The following ZMYM5 variants were observed in gnomAD, a reference collection of about 807,000 sequenced individuals.
The protein encoded by ZMYM5 is zinc finger MYM-type protein 5.
Under a neutral mutation model 61.8 loss-of-function variants are expected in ZMYM5, and 41 were observed. The observed-to-expected ratio is 0.66, with a 90% CI of 0.52 to 0.86. The LOEUF is 0.86. Among genes scored for constraint, ZMYM5 ranks in the 40% least tolerant of loss-of-function variants. The pLI is 0.00. For missense variants in ZMYM5, 706 were observed against 786.7 expected (o/e 0.90, Z 1.23); for synonymous variants, 257 against 276.4 (o/e 0.93, Z 0.70).
chr13:19,851,399 C>A lies in ZMYM5; in HGVS notation c.542G>T (p.Gly181Val). 6.2e-7 allele frequency: 1 copy of A among 1,614,132 alleles called. No homozygotes were observed. The highest frequency in any genetic ancestry group is 8.5e-7 in the Non-Finnish European group (1 of 1,180,028). ...PFNPGRMNVA[G>V]DLFQNGEFAT... ...AAATTCTCCATTCTGAAATAAGTCT[C>A]CTGCCACATTCATTCTACCAGGGTT... The change falls in exon 4 of 8, where the codon GGA (glycine) becomes GTA (valine). Residue 181 changes from glycine (G) to valine (V), a missense_variant. Physicochemically the swap from Gly to Val is moderately radical, Grantham distance 109. Transcript: ENST00000337963.
intron 6 of ZMYM5, among the ~76,000 whole-genome samples, chr13:19,835,918 T>C (rs942975752): frequency 6.6e-6 from 1 of 151,826 alleles, no homozygotes; most frequent in Admixed American, 6.6e-5. Context: ...CTGCCTCCCA[T>C]GTTCAAGCGA....
Position 19,837,818 on chromosome 13 carries a change from A to G in ZMYM5, c.876T>C (p.Asp292=). 1 of 1,586,880 alleles carries G rather than the reference A, an allele frequency of 6.3e-7. No individual in the cohort carries two copies. The highest frequency in any genetic ancestry group is 1.2e-5 in the South Asian group (1 of 84,612). ...TGACATTAGCCTTCTTTGTAGATGC[A>G]TCTCTGAAACAGAAGGGATAGACAC... ...QNTRSIICKK[D]ASTKKANVIL... Residue 292 remains aspartate, a synonymous_variant, in exon 6 of 8, where the codon GAT becomes GAC. Coordinates refer to ENST00000337963, the MANE Select transcript of ZMYM5 (RefSeq NM_001142684.2).
At chr13:19,839,117 T>G in intron 4 of ZMYM5, 132 bp from the exon 5 acceptor site, 2 of 1,000,112 alleles carry the variant, frequency 2.0e-6, no homozygotes, top group African/African-American at 1.6e-5. Context: ...GGCCAAACAC[T>G]CTTGATGCAC....
Position 19,851,700 on chromosome 13 carries a change from A to T in ZMYM5, c.481T>A (p.Ser161Thr). ...NDLDFSTSSL[S>T]RSKTKTGVRP... is the part of the protein sequence containing the mutation. ...ATTCCTGCATTTACCTTACTTCTTG[A>T]AAGACTGGAAGTGGAGAAATCCAAA... The change falls in exon 3 of 8, where the codon TCA becomes ACA. Residue 161 changes from serine to threonine, a missense_variant. Ser to Thr is a moderately conservative substitution (Grantham distance 58, BLOSUM62 1). Coordinates refer to ENST00000337963, the MANE Select transcript of ZMYM5 (RefSeq NM_001142684.2). 1.3e-6 allele frequency: 2 copies of T among 1,570,476 alleles called. No homozygotes were observed. Among genetic ancestry groups the T allele is most frequent in the Non-Finnish European group, 1.7e-6 (2 of 1,165,270 alleles).
intron 2 of ZMYM5, among the ~76,000 whole-genome samples, chr13:19,860,736 C>A (rs1342880753): frequency 6.6e-6 from 1 of 151,540 alleles, no homozygotes; most frequent in Admixed American, 6.6e-5. Context: ...CCATGCCCAG[C>A]CAACACTTCT....
chr13:19,829,748 C>T (rs1891111468), intron 7 of ZMYM5, among the ~76,000 whole-genome samples: 1 of 152,136 alleles, frequency 6.6e-6, no homozygotes, highest in Non-Finnish European at 1.5e-5. Flanking sequence ...GTGCACACCA[C>T]CATGCCCAGC....
chr13:19,859,998 G>A (rs1953670612), intron 2 of ZMYM5, among the ~76,000 whole-genome samples: 1 of 147,100 alleles, frequency 6.8e-6, no homozygotes. Context: ...CAGCTACTCA[G>A]GAGGCTGAGG....
intron 7 of ZMYM5, among the ~76,000 whole-genome samples, chr13:19,826,652 G>A (rs1206151749): frequency 6.6e-6 from 1 of 151,908 alleles, no homozygotes; most frequent in African/African-American, 2.4e-5. Flanking sequence ...CTACTCGGGA[G>A]GCTGAGGCAG....
intron 7 of ZMYM5, among the ~76,000 whole-genome samples, chr13:19,833,358 A>T (rs113608178): frequency 1.3e-5 from 2 of 152,272 alleles, no homozygotes; most frequent in African/African-American, 4.8e-5. Flanking sequence ...TTCCACACAA[A>T]CAAAAAATTA....
rs61563111 is a variant in ZMYM5, at chr13:19,839,011, C to A, written c.587-26G>T. On this transcript the variant is annotated intron_variant, in intron 4 of 7. Coordinates refer to ENST00000337963, the MANE Select transcript of ZMYM5 (RefSeq NM_001142684.2). ...CTTAAAAATGAAACAAGAAAAAAAT[C>A]ATGGAACAAATCAAAATGTACATCA... The A allele has an allele frequency of 0.073, 116,831 of 1,592,056 alleles. 4,892 individuals carry two copies. Among genetic ancestry groups the A allele is most frequent in the Middle Eastern group, 0.17 (1,002 of 5,916 alleles).
rs569761490 is a variant in ZMYM5 at position 19,830,382 on chromosome 13, T to A, written c.1251+5095A>T. Among the ~76,000 whole-genome samples the A allele has an allele frequency of 2.0e-4, 30 of 152,296 alleles. 1 individual carries two copies. In the South Asian group the frequency reaches 2.9e-3, roughly 15 times the overall value. ...TATATTTGGCAACTATTAATTAATT[T>A]ATTATTTTTTGAGACAGGGTCTTAC... On this transcript the variant is annotated intron_variant, in intron 7 of 7. Coordinates refer to ENST00000337963, the MANE Select transcript of ZMYM5 (RefSeq NM_001142684.2).
intron 2 of ZMYM5, among the ~76,000 whole-genome samples, chr13:19,859,822 A>T (rs1485278843): frequency 6.6e-6 from 1 of 151,238 alleles, no homozygotes. Flanking sequence ...CTAATTACAC[A>T]GGCCGGGTGT....
chr13:19,850,456 A>G (rs959781842), intron 4 of ZMYM5, among the ~76,000 whole-genome samples: 1 of 151,950 alleles, frequency 6.6e-6, no homozygotes, highest in Non-Finnish European at 1.5e-5. Flanking sequence ...AAAATTAGCC[A>G]GGCATGGAGA....
In ZMYM5 at chr13:19,825,568, A is replaced by G. The variant is rs561509220; in HGVS notation, c.1252-333T>C. ...AGGCTGAGGCAGGAGAATCGCCTGAACCCAGGAGGCAGAGGTTGAGCTGAG... is the reference window on the plus strand; with the variant it reads ...AGGCTGAGGCAGGAGAATCGCCTGAGCCCAGGAGGCAGAGGTTGAGCTGAG... On this transcript the variant is annotated intron_variant, in intron 7 of 7. Coordinates refer to ENST00000337963, the MANE Select transcript of ZMYM5 (RefSeq NM_001142684.2). 5.9e-5 allele frequency among the ~76,000 whole-genome samples: 9 copies of G among 152,090 alleles called. No individual in the cohort carries two copies. The South Asian group carries it at 1.9e-3, about 32-fold the overall frequency.
intron 2 of ZMYM5, among the ~76,000 whole-genome samples, chr13:19,860,942 G>T (rs1261839752): frequency 1.3e-5 from 2 of 150,102 alleles, no homozygotes; most frequent in East Asian, 3.9e-4. Flanking sequence ...GCACGTGTGT[G>T]TGTGTGTGTG....
At chr13:19,831,252 A>C (rs1891200767) in intron 7 of ZMYM5, among the ~76,000 whole-genome samples, 1 of 151,244 alleles carries the variant, frequency 6.6e-6, no homozygotes, top group Non-Finnish European at 1.5e-5. Flanking sequence ...TCAGGCTCCC[A>C]AACAGCTGGG....
intron 4 of ZMYM5, among the ~76,000 whole-genome samples, chr13:19,839,393 CTTTTT>C (rs879537886): frequency 6.8e-6 from 1 of 146,106 alleles, no homozygotes; most frequent in South Asian, 2.2e-4. Flanking sequence ...ATATTAGCTA[CTTTTT>C]TTTTTTTTGA....
At chr13:19,857,134 C>CA (rs1953546154) in intron 2 of ZMYM5, among the ~76,000 whole-genome samples, 1 of 152,120 alleles carries the variant, frequency 6.6e-6, no homozygotes, top group Admixed American at 6.6e-5. Flanking sequence ...AAAACAAAAA[C>CA]AAAAAATCCC....
chr13:19,858,172 G>A (rs1953579812), intron 2 of ZMYM5, among the ~76,000 whole-genome samples: 1 of 151,242 alleles, frequency 6.6e-6, no homozygotes, highest in African/African-American at 2.4e-5. Context: ...ACTAAAGTCT[G>A]GGCAACAGAG....
Sources: allele counts gnomAD v4.1 joint callset (sites outside exome capture counted in the v4.1 genomes callset), GRCh38; gene constraint gnomAD v4.1.1; transcripts MANE v1.5; gene names NCBI Gene and HGNC (gene_info 2026-07-23, HGNC 2026-07-21).